The following GRM8 variants were observed in gnomAD, a reference collection of about 807,000 sequenced individuals.
GRM8 encodes metabotropic glutamate receptor 8.
A neutral mutation model predicts 87.2 loss-of-function variants in GRM8; 47 were observed. The ratio of observed to expected loss-of-function variants is 0.54; its 90% CI spans 0.43 to 0.69. GRM8 has a LOEUF of 0.69. Ranked by LOEUF, GRM8 falls within the 30% of genes least tolerant of loss-of-function variation. The pLI, the probability that GRM8 is intolerant of heterozygous loss-of-function variation, is 0.00. For missense variants in GRM8, 1,019 were observed against 1,139.2 expected (o/e 0.89, Z 1.52); for synonymous variants, 396 against 404.5 (o/e 0.98, Z 0.25).
intron 9 of GRM8, among the ~76,000 whole-genome samples, chr7:126,448,985 T>C (rs1479946845): frequency 2.0e-5 from 3 of 151,810 alleles, no homozygotes; most frequent in African/African-American, 7.3e-5. Flanking sequence ...CAAACCCCCA[T>C]GGCACAAGTT....
intron 8 of GRM8, among the ~76,000 whole-genome samples, chr7:126,584,028 A>G (rs150530494): frequency 6.6e-6 from 1 of 152,208 alleles, no homozygotes; most frequent in Non-Finnish European, 1.5e-5. Context: ...AGCCTCCCCA[A>G]CCTTCAGCAA....
At chr7:126,526,526 C>T (rs1813876552) in intron 9 of GRM8, among the ~76,000 whole-genome samples, 1 of 152,062 alleles carries the variant, frequency 6.6e-6, no homozygotes, top group Admixed American at 6.5e-5. Flanking sequence ...TGAAAAATAC[C>T]ACAATGTCAC....
At chr7:127,206,088 A>G (rs1354388462) in intron 2 of GRM8, among the ~76,000 whole-genome samples, 1 of 152,156 alleles carries the variant, frequency 6.6e-6, no homozygotes, top group East Asian at 1.9e-4. Flanking sequence ...TCTTTGAACT[A>G]TTCAATTTTA....
intron 3 of GRM8, among the ~76,000 whole-genome samples, chr7:126,957,687 C>T (rs1364636635): frequency 2.0e-5 from 3 of 152,208 alleles, no homozygotes; most frequent in Non-Finnish European, 4.4e-5. Flanking sequence ...ACTTTGGGCA[C>T]CAACAAGCAT....
At chr7:126,843,073 C>T (rs1259678273) in intron 6 of GRM8, among the ~76,000 whole-genome samples, 1 of 151,624 alleles carries the variant, frequency 6.6e-6, no homozygotes, top group African/African-American at 2.4e-5. Flanking sequence ...AAATATCTTA[C>T]AAATGAAAGA....
chr7:126,567,672 A>G (rs1794350138), intron 8 of GRM8, among the ~76,000 whole-genome samples: 1 of 152,170 alleles, frequency 6.6e-6, no homozygotes, highest in Non-Finnish European at 1.5e-5. Flanking sequence ...CAAAAAATAA[A>G]ATAAAATAAA....
At position 126,886,730 on chromosome 7, in the gene GRM8, T is replaced by C. The variant is rs1045121951; in HGVS notation, c.1156+15812A>G. 7.2e-4 allele frequency among the ~76,000 whole-genome samples: 110 copies of C among 152,290 alleles called. 1 individual carries two copies. The highest frequency in any genetic ancestry group is 2.5e-3 in the African/African-American group (105 of 41,568). On this transcript the variant is annotated intron_variant, in intron 6 of 10. Coordinates refer to ENST00000339582, the MANE Select transcript of GRM8 (RefSeq NM_000845.3). The stretch of plus-strand genomic sequence containing the variant: ...AATTTCTTTATCCAAAATGTATATA[T>C]TTTTGAGTAATATCTTCTCAAGAAA...
At chr7:126,442,914 C>A (rs1202066116) in intron 10 of GRM8, among the ~76,000 whole-genome samples, 1 of 151,938 alleles carries the variant, frequency 6.6e-6, no homozygotes, top group East Asian at 1.9e-4. Flanking sequence ...TGATAAGGGA[C>A]AAACTTTGTG....
chr7:126,487,229 AG>A (rs1194279906), intron 9 of GRM8, among the ~76,000 whole-genome samples: 1 of 151,958 alleles, frequency 6.6e-6, no homozygotes, highest in Non-Finnish European at 1.5e-5. Flanking sequence ...TTAATCTATA[AG>A]TTGTTTTGGT....
chr7:127,033,281 C>A (rs1817558116), intron 3 of GRM8, among the ~76,000 whole-genome samples: 1 of 151,972 alleles, frequency 6.6e-6, no homozygotes. Flanking sequence ...GCCTAAAAAT[C>A]TTCAGCTTTT....
rs150562218 is a variant in GRM8, at chr7:126,464,805, C to T, written c.2431-18433G>A. Among the ~76,000 whole-genome samples, 286 of 151,812 alleles carry T rather than the reference C, an allele frequency of 1.9e-3. 3 individuals are homozygous for T. Among genetic ancestry groups the T allele is most frequent in the African/African-American group, 6.1e-3 (253 of 41,492 alleles). On this transcript the variant is annotated intron_variant, in intron 9 of 10. Transcript: ENST00000339582. ...ACTCTAAACTTTAACTTCATCCCCC[C>T]ACTTTTGAGGTTTTTGTTGTTTCCA...
chr7:126,541,764 T>C (rs1816567555), intron 8 of GRM8, among the ~76,000 whole-genome samples: 1 of 152,206 alleles, frequency 6.6e-6, no homozygotes, highest in South Asian at 2.1e-4. Context: ...CAAAGGTACA[T>C]ACAAGAAAGA....
chr7:126,955,525 T>C (rs991750939), intron 3 of GRM8, among the ~76,000 whole-genome samples: 28 of 152,222 alleles, frequency 1.8e-4, no homozygotes, highest in African/African-American at 6.0e-4. Context: ...CAAAAACTAT[T>C]CTCTCTTTTG....
chr7:126,553,826 A>G (rs1792852562), intron 8 of GRM8, among the ~76,000 whole-genome samples: 2 of 152,204 alleles, frequency 1.3e-5, no homozygotes, highest in Non-Finnish European at 2.9e-5. Flanking sequence ...CAATTCAATG[A>G]TAGCTTATCA....
intron 6 of GRM8, among the ~76,000 whole-genome samples, chr7:126,878,628 T>C (rs1586295245): frequency 6.6e-6 from 1 of 150,740 alleles, no homozygotes; most frequent in Non-Finnish European, 1.5e-5. Flanking sequence ...CAAGCGATTC[T>C]CCAGCCTCAG....
intron 1 of GRM8, among the ~76,000 whole-genome samples, chr7:127,247,575 C>A (rs17864170): frequency 0.024 from 3,619 of 152,162 alleles, 58 homozygotes; most frequent in Non-Finnish European, 0.031. Flanking sequence ...GTGTGCATGT[C>A]TATGGATTCT....
intron 2 of GRM8, 65 bp from the exon 3 acceptor site, chr7:127,106,777 T>C (rs1045073499): frequency 5.0e-5 from 59 of 1,170,270 alleles, no homozygotes; most frequent in Admixed American, 4.0e-4. Context: ...GATTGTCATA[T>C]GAGCTAAACA....
At chr7:127,005,299 A>C (rs916336457) in intron 3 of GRM8, among the ~76,000 whole-genome samples, 4 of 151,758 alleles carry the variant, frequency 2.6e-5, no homozygotes, top group Middle Eastern at 3.4e-3. Flanking sequence ...ACAACAACAA[A>C]AAAAATAAAT....
At chr7:127,190,323 T>C (rs115521424) in intron 2 of GRM8, among the ~76,000 whole-genome samples, 1,972 of 152,160 alleles carry the variant, frequency 0.013, 43 homozygotes, top group African/African-American at 0.041. Flanking sequence ...ATTGTTAATA[T>C]GTCCTGCCTT....
Sources: gnomAD v4.1 joint callset for allele counts (sites outside exome capture counted in the v4.1 genomes callset) on GRCh38, gnomAD v4.1.1 for gene constraint, MANE v1.5 for transcripts, NCBI Gene and HGNC (gene_info 2026-07-23, HGNC 2026-07-21) for gene names.